Variants in ETV3L observed in about 807,000 individuals in gnomAD.
ETV3L encodes the protein ETS variant transcription factor 3 like, also known as ETS translocation variant 3-like protein.
ETV3L carries 30 observed loss-of-function variants against 27.6 expected under a neutral mutation model. The observed-to-expected ratio is 1.09, with a 90% confidence interval of 0.81 to 1.48. ETV3L has a LOEUF of 1.48. Ranked by LOEUF, ETV3L falls within the 40% of genes most tolerant of loss-of-function variation. The pLI is 0.00. For synonymous variants in ETV3L, 186 were observed against 188.9 expected, an observed-to-expected ratio of 0.98 and a Z score of 0.12; for missense variants, 443 against 455.6, an observed-to-expected ratio of 0.97 and a Z score of 0.25.
At chr1:157,097,769 A>G (rs1417392410) in intron 4 of ETV3L, 99 bp downstream of exon 4, 4 of 1,418,366 alleles carry the variant, frequency 2.8e-6, no homozygotes, top group Non-Finnish European at 3.9e-6. Context: ...GTTACATAGT[A>G]TCCCTTGTCT....
At chr1:157,094,913 C>CAAAA (rs34656748) in intron 4 of ETV3L, among the ~76,000 whole-genome samples, 80 of 85,706 alleles carry the variant, frequency 9.3e-4, no homozygotes, top group East Asian at 3.5e-3. Context: ...AACTCTGTCT[C>CAAAA]AAAAAAAAAA....
Position 157,098,709 on chromosome 1 carries a change from A to T in ETV3L, c.483T>A (p.Ser161Arg). 4 of 1,594,466 alleles carry T rather than the reference A, an allele frequency of 2.5e-6. No homozygotes were observed. Residue 161 changes from serine (S) to arginine (R), a missense_variant, in exon 3 of 5, where the codon AGT (serine) becomes AGA (arginine). Ser to Arg is a moderately radical substitution (Grantham distance 110, BLOSUM62 -1). Transcript: ENST00000454449. ...RPALVPVGVQ[S>R]ELLHSMLFAH... ...CAGGGGCCACCTCCGCTCTTACCTC[A>T]CTCTGCACACCCACGGGCACCAGCG... is the stretch of plus-strand genomic sequence containing the variant.
rs1269734211 is a variant in ETV3L, at chr1:157,099,101, A to G, written c.296+40T>C. The G allele has an allele frequency of 1.9e-6, 3 of 1,604,656 alleles. No individual in the cohort carries two copies. In the South Asian group the frequency reaches 3.3e-5, roughly 18 times the overall value. On this transcript the variant is annotated intron_variant, in intron 2 of 4. Transcript: ENST00000454449. The stretch of plus-strand genomic sequence containing the variant: ...CCAGAAACCACGGCCCTTTTCCTTG[A>G]AATCCCCCCTCTTTGGCCATGTCAG...
rs770460497 is a variant in ETV3L, at chr1:157,098,844, T to C, written c.348A>G (p.Thr116=). 4.4e-5 allele frequency: 71 copies of C among 1,614,030 alleles called. No homozygotes were observed. The highest frequency in any genetic ancestry group is 5.8e-5 in the Non-Finnish European group (69 of 1,180,018). ...TGAGCTTGCTGAAGTTGAACTTGTA[T>C]GTGAACCTTTTGCCTTTGGTCTTAT... ...ILHKTKGKRF[T]YKFNFSKLIV... is the part of the protein sequence containing the mutation. Residue 116 remains threonine (T), a synonymous_variant, in exon 3 of 5, where the codon ACA becomes ACG. Coordinates refer to ENST00000454449, the MANE Select transcript of ETV3L (RefSeq NM_001004341.2).
At position 157,093,115 on chromosome 1, in the gene ETV3L, G is replaced by T. The variant is rs767508164; in HGVS notation, c.620C>A (p.Ala207Asp). The T allele has an allele frequency of 3.7e-5, 54 of 1,456,838 alleles. No homozygotes were observed. The highest frequency in any genetic ancestry group is 4.6e-5 in the Non-Finnish European group (51 of 1,103,554). The allele number at this position is 1,456,838 out of a possible 1,614,324, so 90.2% of individuals were successfully genotyped here. Reference sequence around the variant, plus strand: ...AAGGCCCAGCCGGCAGGGGCCTGGGGCAGAGCCAAGTCCTAGAGAAAGAAA... The same window carrying T: ...AAGGCCCAGCCGGCAGGGGCCTGGGTCAGAGCCAAGTCCTAGAGAAAGAAA... Reference protein sequence around the residue: ...SSSSVYRLGSAPGPCRLGLCC... With the variant: ...SSSSVYRLGSDPGPCRLGLCC... Residue 207 changes from alanine to aspartate, a missense_variant, in exon 5 of 5, where the codon GCC (alanine) becomes GAC (aspartate). By Grantham distance (126) the Ala-to-Asp change is moderately radical. Coordinates refer to ENST00000454449, the MANE Select transcript of ETV3L (RefSeq NM_001004341.2).
chr1:157,093,132 A>G lies in ETV3L; in HGVS notation c.608-5T>C. ...GGCCTGGGGCAGAGCCAAGTCCTAGAGAAAGAAAGAGAGAAAGGGTCAAGG... is the reference window on the plus strand; with the variant it reads ...GGCCTGGGGCAGAGCCAAGTCCTAGGGAAAGAAAGAGAGAAAGGGTCAAGG... On this transcript the variant is annotated splice_polypyrimidine_tract_variant and splice_region_variant and intron_variant, in intron 4 of 4. Transcript: ENST00000454449. 3 of 1,443,608 alleles carry G rather than the reference A, an allele frequency of 2.1e-6. No homozygotes were observed. Among genetic ancestry groups the G allele is most frequent in the Non-Finnish European group, 2.7e-6 (3 of 1,095,584 alleles). 89.4% of individuals were successfully genotyped at this position (1,443,608 alleles called of 1,614,324 possible). A position where few individuals can be genotyped will look rare whatever the true frequency, so the allele number is the denominator to read the frequency against.
intron 4 of ETV3L, among the ~76,000 whole-genome samples, chr1:157,093,397 C>T (rs1029200702): frequency 6.6e-6 from 1 of 152,188 alleles, no homozygotes; most frequent in African/African-American, 2.4e-5. Context: ...TGCCACCATG[C>T]CTGGCTAATT....
chr1:157,092,519 A>G lies in ETV3L; in HGVS notation c.*130T>C. The G allele has an allele frequency of 1.3e-6, 1 of 793,300 alleles. No homozygotes were observed. Among genetic ancestry groups the G allele is most frequent in the Non-Finnish European group, 2.0e-6 (1 of 502,482 alleles). The allele number at this position is 793,300 out of a possible 1,614,324, so 49.1% of individuals were successfully genotyped here. On this transcript the variant is annotated 3_prime_UTR_variant, in exon 5 of 5. Coordinates refer to ENST00000454449, the MANE Select transcript of ETV3L (RefSeq NM_001004341.2). ...TGCAATGCTCCCCACCTTGGGTCCA[A>G]CTCCACCCCTTCAAATCCTGCAATT...
At chr1:157,093,226 G>A (rs1674158140) in intron 4 of ETV3L, 99 bp from the exon 5 acceptor site, 1 of 823,594 alleles carries the variant, frequency 1.2e-6, no homozygotes, top group African/African-American at 1.7e-5. Context: ...TTGCTTGGAA[G>A]TCTCTTCCTC....
intron 4 of ETV3L, among the ~76,000 whole-genome samples, chr1:157,096,474 A>G (rs1226023411): frequency 6.6e-6 from 1 of 151,906 alleles, no homozygotes; most frequent in Non-Finnish European, 1.5e-5. Flanking sequence ...TATCTTCCCA[A>G]TCTCTCTCCA....
chr1:157,099,778 G>A lies in ETV3L; in HGVS notation c.-255C>T, dbSNP rs977166422. 1.7e-5 allele frequency: 10 copies of A among 581,966 alleles called. No individual in the cohort carries two copies. In the Admixed American group the frequency reaches 2.5e-4, roughly 15 times the overall value. 36.1% of individuals were successfully genotyped at this position (581,966 alleles called of 1,614,324 possible). On this transcript the variant is annotated 5_prime_UTR_variant, in exon 1 of 5. Transcript: ENST00000454449. ...CAGACAGGGCCCAGCCCCCTCTGGG[G>A]ACCTCCCCGCTGCCCAGGGCTGACT...
Position 157,097,873 on chromosome 1 carries a change from A to G in ETV3L, c.602T>C (p.Val201Ala), listed in dbSNP as rs773199796. 4 of 1,612,280 alleles carry G rather than the reference A, an allele frequency of 2.5e-6. No homozygotes were observed. The African/African-American group carries it at 5.3e-5, about 22-fold the overall frequency. Residue 201 changes from valine to alanine, a missense_variant, in exon 4 of 5, where the codon GTC becomes GCC. Coordinates refer to ENST00000454449, the MANE Select transcript of ETV3L (RefSeq NM_001004341.2). ...SGDKKGSSSS[V>A]YRLGSAPGPC... ...TCCCAGCCTTGAGCACTCACGGTAG[A>G]CGCTGCTGCTGCTCCCCTTCTTATC...
rs1159383389 is a variant in ETV3L at position 157,093,139 on chromosome 1, AAGAG to A, written c.608-16_608-13del. The A allele has an allele frequency of 9.7e-6, 14 of 1,439,386 alleles. No individual in the cohort carries two copies. Among genetic ancestry groups the A allele is most frequent in the Non-Finnish European group, 1.3e-5 (14 of 1,092,842 alleles). The allele number at this position is 1,439,386 out of a possible 1,614,324, so 89.2% of individuals were successfully genotyped here. A position where few individuals can be genotyped will look rare whatever the true frequency, so the allele number is the denominator to read the frequency against. On this transcript the variant is annotated splice_polypyrimidine_tract_variant and intron_variant, in intron 4 of 4. Coordinates refer to ENST00000454449, the MANE Select transcript of ETV3L (RefSeq NM_001004341.2). Reference sequence around the variant, plus strand: ...GGCAGAGCCAAGTCCTAGAGAAAGAAAGAGAGAAAGGGTCAAGGGAGCCCAACCT... The same window carrying A: ...GGCAGAGCCAAGTCCTAGAGAAAGAAAGAAAGGGTCAAGGGAGCCCAACCT...
At position 157,097,995 on chromosome 1, in the gene ETV3L, G is replaced by A; in HGVS notation, c.487-7C>T. 6.3e-7 allele frequency: 1 copy of A among 1,598,676 alleles called. No individual in the cohort carries two copies. The highest frequency in any genetic ancestry group is 8.5e-7 in the Non-Finnish European group (1 of 1,171,744). ...ATAGCATGCTGTGCAGGAGCTGAGGGGTGAGAAGTAGGTGCGAGGTGTGAT... is the reference window on the plus strand; with the variant it reads ...ATAGCATGCTGTGCAGGAGCTGAGGAGTGAGAAGTAGGTGCGAGGTGTGAT... On this transcript the variant is annotated splice_region_variant and splice_polypyrimidine_tract_variant and intron_variant, in intron 3 of 4. Coordinates refer to ENST00000454449, the MANE Select transcript of ETV3L (RefSeq NM_001004341.2).
intron 4 of ETV3L, 102 bp downstream of exon 4, chr1:157,097,766 A>G: frequency 7.2e-7 from 1 of 1,395,628 alleles, no homozygotes; most frequent in South Asian, 1.2e-5. Flanking sequence ...TGAGTTACAT[A>G]GTATCCCTTG....
In ETV3L at chr1:157,098,757, C is replaced by T. The variant is rs940499961; in HGVS notation, c.435G>A (p.Gly145=). Residue 145 remains glycine (G), a synonymous_variant, in exon 3 of 5, where the codon GGG becomes GGA. Transcript: ENST00000454449. ...GCGCTGGCCGACACAGGGCAGGGGC[C>T]CCCAGCAGCAAGTGGGGGGATGGCG... ...RAPPSPHLLL[G]APALCRPALV... is the part of the protein sequence containing the mutation. The T allele has an allele frequency of 8.7e-6, 14 of 1,613,328 alleles. No homozygotes were observed. In the Admixed American group the frequency reaches 1.7e-4, roughly 19 times the overall value.
In ETV3L at chr1:157,097,884, G is replaced by C; in HGVS notation, c.591C>G (p.Ser197Arg). 3 of 1,613,266 alleles carry C rather than the reference G, an allele frequency of 1.9e-6. No individual in the cohort carries two copies. The highest frequency in any genetic ancestry group is 1.1e-5 in the South Asian group (1 of 91,042). ...PPETSGDKKG[S>R]SSSVYRLGSA... ...AGCACTCACGGTAGACGCTGCTGCT[G>C]CTCCCCTTCTTATCCCCAGAGGTCT... Residue 197 changes from serine (S) to arginine (R), a missense_variant, in exon 4 of 5, where the codon AGC becomes AGG. Ser to Arg is a moderately radical substitution (Grantham distance 110). Transcript: ENST00000454449.
At chr1:157,099,060 G>T in intron 2 of ETV3L, 81 bp downstream of exon 2, 1 of 1,563,980 alleles carries the variant, frequency 6.4e-7, no homozygotes, top group Non-Finnish European at 8.7e-7. Flanking sequence ...TGGAGGGGTG[G>T]GAGTCAGCAG....
intron 4 of ETV3L, among the ~76,000 whole-genome samples, chr1:157,094,254 G>A (rs191846387): frequency 2.6e-5 from 4 of 152,320 alleles, no homozygotes; most frequent in East Asian, 1.9e-4. Flanking sequence ...CTTGGATTAA[G>A]CTGTGTCATG....
Sources: allele counts gnomAD v4.1 joint callset (sites outside exome capture counted in the v4.1 genomes callset), GRCh38; gene constraint gnomAD v4.1.1; transcripts MANE v1.5; gene names NCBI Gene and HGNC (gene_info 2026-07-23, HGNC 2026-07-21).